The following MEIS2 variants were observed in gnomAD, a reference collection of about 807,000 sequenced individuals.
The protein encoded by MEIS2 is homeobox protein Meis2.
MEIS2 carries 9 observed loss-of-function variants against 58.6 expected under a neutral mutation model. The ratio of observed to expected loss-of-function variants is 0.15; its 90% confidence interval spans 0.09 to 0.27. The LOEUF is 0.27. Among genes scored for constraint, MEIS2 ranks in the 10% least tolerant of loss-of-function variants. MEIS2 has a pLI of 1.00. For synonymous variants in MEIS2, 221 were observed against 228.4 expected (o/e 0.97, Z 0.29); for missense variants, 427 against 635.0 (o/e 0.67, Z 3.52).
chr15:36,991,320 G>A (rs1165167334), intron 8 of MEIS2, among the ~76,000 whole-genome samples: 1 of 150,932 alleles, frequency 6.6e-6, no homozygotes, highest in African/African-American at 2.4e-5. Context: ...TAGAAGTTCT[G>A]TTTGGCACAT....
At chr15:37,085,941 T>A (rs1474023190) in intron 6 of MEIS2, among the ~76,000 whole-genome samples, 1 of 151,572 alleles carries the variant, frequency 6.6e-6, no homozygotes, top group East Asian at 1.9e-4. Context: ...AAGAATTACA[T>A]GGAAAAAAAA....
intron 8 of MEIS2, among the ~76,000 whole-genome samples, chr15:36,979,640 C>A (rs917381546): frequency 6.7e-6 from 1 of 149,468 alleles, no homozygotes; most frequent in Non-Finnish European, 1.5e-5. Context: ...AACATAATAA[C>A]CTGTATGTAA....
chr15:37,051,373 C>T (rs1449826956), intron 7 of MEIS2, among the ~76,000 whole-genome samples: 2 of 152,152 alleles, frequency 1.3e-5, no homozygotes, highest in South Asian at 2.1e-4. Context: ...AGGCCACATA[C>T]TGTATGATTT....
At chr15:36,917,860 T>C (rs2057345923) in intron 9 of MEIS2, among the ~76,000 whole-genome samples, 1 of 152,202 alleles carries the variant, frequency 6.6e-6, no homozygotes, top group East Asian at 1.9e-4. Context: ...AATTTCAAAA[T>C]GGTAGCCTCG....
chr15:37,048,269 G>C (rs1327573522), intron 7 of MEIS2, among the ~76,000 whole-genome samples: 3 of 151,888 alleles, frequency 2.0e-5, no homozygotes, highest in Non-Finnish European at 4.4e-5. Context: ...AATAACTATA[G>C]GATTTTCTAA....
At chr15:36,996,697 G>A (rs950433916) in intron 8 of MEIS2, among the ~76,000 whole-genome samples, 1 of 152,114 alleles carries the variant, frequency 6.6e-6, no homozygotes, top group African/African-American at 2.4e-5. Flanking sequence ...CAGATGGAAC[G>A]GAAATGGAAC....
chr15:36,958,907 A>T (rs928637616), intron 8 of MEIS2, among the ~76,000 whole-genome samples: 1 of 152,186 alleles, frequency 6.6e-6, no homozygotes, highest in African/African-American at 2.4e-5. Context: ...CTACGGCCAG[A>T]CTACTTTTCC....
Position 37,036,912 on chromosome 15 carries a change from C to T in MEIS2, c.802G>A (p.Asp268Asn). ...SVASPGTGDD[D>N]DPDKDKKRQK... The stretch of plus-strand genomic sequence containing the variant: ...CGTTTTTTGTCCTTATCCGGATCAT[C>T]ATCGTCACCTGTACCAGGTGAAGCT... The change falls in exon 8 of 12, where the codon GAT (aspartate) becomes AAT (asparagine). Residue 268 changes from aspartate to asparagine, a missense_variant. Physicochemically the swap from Asp to Asn is conservative, Grantham distance 23 (BLOSUM62 1). Coordinates refer to ENST00000561208, the MANE Select transcript of MEIS2 (RefSeq NM_170675.5). The T allele has an allele frequency of 6.2e-7, 1 of 1,613,918 alleles. No individual in the cohort carries two copies. Among genetic ancestry groups the T allele is most frequent in the Non-Finnish European group, 8.5e-7 (1 of 1,179,960 alleles).
chr15:37,050,212 C>T (rs2062855439), intron 7 of MEIS2, among the ~76,000 whole-genome samples: 1 of 152,084 alleles, frequency 6.6e-6, no homozygotes, highest in Non-Finnish European at 1.5e-5. Context: ...CACACACATC[C>T]CACATCCCAT....
intron 8 of MEIS2, among the ~76,000 whole-genome samples, chr15:36,960,282 G>T (rs1295630935): frequency 6.6e-6 from 1 of 151,816 alleles, no homozygotes; most frequent in Non-Finnish European, 1.5e-5. Context: ...TATCTCTAGA[G>T]TAAGCAATGG....
At chr15:36,973,640 AG>A (rs1567129058) in intron 8 of MEIS2, among the ~76,000 whole-genome samples, 1 of 152,246 alleles carries the variant, frequency 6.6e-6, no homozygotes, top group Non-Finnish European at 1.5e-5. Flanking sequence ...TGTAATTAGA[AG>A]AATCAGGTTT....
chr15:37,008,236 C>T (rs907399564), intron 8 of MEIS2, among the ~76,000 whole-genome samples: 3 of 152,154 alleles, frequency 2.0e-5, no homozygotes, highest in Non-Finnish European at 4.4e-5. Flanking sequence ...ATGAACTTGG[C>T]GTTACATTTT....
At chr15:36,999,874 C>T (rs2141592996) in intron 8 of MEIS2, among the ~76,000 whole-genome samples, 1 of 152,222 alleles carries the variant, frequency 6.6e-6, no homozygotes, top group South Asian at 2.1e-4. Context: ...TTAAACTCCT[C>T]ATTTAAAATT....
chr15:36,892,547 A>C (rs528024066), intron 11 of MEIS2, 88 bp from the exon 12 acceptor site: 21 of 1,223,802 alleles, frequency 1.7e-5, no homozygotes, highest in South Asian at 1.3e-4. Flanking sequence ...AAAAAAAAAA[A>C]AAAACAACAG....
intron 2 of MEIS2, 101 bp from the exon 3 acceptor site, chr15:37,096,531 C>A (rs2140096125): frequency 7.1e-7 from 1 of 1,415,722 alleles, no homozygotes; most frequent in Non-Finnish European, 9.6e-7. Context: ...TGGAGTCCTT[C>A]TTTAATACAA....
At chr15:36,987,513 T>C (rs1390689086) in intron 8 of MEIS2, among the ~76,000 whole-genome samples, 1 of 152,048 alleles carries the variant, frequency 6.6e-6, no homozygotes, top group Admixed American at 6.6e-5. Flanking sequence ...ACACTGGTTG[T>C]AAACTTTTCA....
chr15:36,924,623 C>T (rs1288689378), intron 9 of MEIS2, among the ~76,000 whole-genome samples: 2 of 152,200 alleles, frequency 1.3e-5, no homozygotes, highest in Non-Finnish European at 2.9e-5. Flanking sequence ...TTGCCGCGAA[C>T]CTCAAAGCAT....
Position 37,053,011 on chromosome 15 carries a change from C to T in MEIS2, c.755-16052G>A, listed in dbSNP as rs184569364. On this transcript the variant is annotated intron_variant, in intron 7 of 11. Coordinates refer to ENST00000561208, the MANE Select transcript of MEIS2 (RefSeq NM_170675.5). Reference sequence around the variant, plus strand: ...GACAACTCGAAGGGCACCAACACGGCTTTATTCAGATCCTGTTAGCTAATA... The same window carrying T: ...GACAACTCGAAGGGCACCAACACGGTTTTATTCAGATCCTGTTAGCTAATA... Among the ~76,000 whole-genome samples, 500 of 152,264 alleles carry T rather than the reference C, an allele frequency of 3.3e-3. 5 individuals are homozygous for T. The highest frequency in any genetic ancestry group is 0.012 in the African/African-American group (482 of 41,542).
chr15:37,079,751 G>A (rs1275132544), intron 7 of MEIS2, among the ~76,000 whole-genome samples: 5 of 152,144 alleles, frequency 3.3e-5, no homozygotes, highest in Admixed American at 2.0e-4. Flanking sequence ...GAAAATAGAT[G>A]GGGACATCAA....
Sources: gnomAD v4.1 joint callset for allele counts (sites outside exome capture counted in the v4.1 genomes callset) on GRCh38, gnomAD v4.1.1 for gene constraint, MANE v1.5 for transcripts, NCBI Gene and HGNC (gene_info 2026-07-23, HGNC 2026-07-21) for gene names.